Variants in CENPP observed in about 807,000 individuals in gnomAD.
CENPP encodes the protein centromere protein P.
In CENPP, 24 loss-of-function variants were observed where a neutral mutation model predicts 35.6. The observed-to-expected ratio is 0.67, with a 90% CI of 0.49 to 0.95. The LOEUF is 0.95. Among genes scored for constraint, CENPP ranks in the 40% least tolerant of loss-of-function variants. The pLI is 0.00. For missense variants in CENPP, 332 were observed against 345.3 expected (o/e 0.96, Z 0.31); for synonymous variants, 120 against 125.5 (o/e 0.96, Z 0.29).
At chr9:92,481,547 G>A (rs1845912237) in intron 5 of CENPP, among the ~76,000 whole-genome samples, 1 of 152,098 alleles carries the variant, frequency 6.6e-6, no homozygotes, top group Non-Finnish European at 1.5e-5. Context: ...GTAGAATATT[G>A]AATACATTGC....
At chr9:92,352,505 GTATACATATA>G (rs1467509681) in intron 4 of CENPP, among the ~76,000 whole-genome samples, 2 of 49,794 alleles carry the variant, frequency 4.0e-5, no homozygotes, top group African/African-American at 1.8e-4. Context: ...GTGTGTGTGT[GTATACATATA>G]TATATATATA....
intron 5 of CENPP, among the ~76,000 whole-genome samples, chr9:92,410,209 T>C (rs1843409366): frequency 6.6e-6 from 1 of 152,204 alleles, no homozygotes; most frequent in Middle Eastern, 3.2e-3. Flanking sequence ...GTGCTGGGAT[T>C]ACAGGCGTGA....
chr9:92,393,194 C>T, intron 5 of CENPP: 1 of 1,613,762 alleles, frequency 6.2e-7, no homozygotes, highest in Non-Finnish European at 8.5e-7. Flanking sequence ...TCAACTTCTT[C>T]ACAGTATACA....
At chr9:92,431,784 A>G (rs1449611436) in intron 5 of CENPP, among the ~76,000 whole-genome samples, 1 of 152,104 alleles carries the variant, frequency 6.6e-6, no homozygotes, top group Non-Finnish European at 1.5e-5. Flanking sequence ...CACATTGGCT[A>G]GGGTGGTCTC....
intron 5 of CENPP, among the ~76,000 whole-genome samples, chr9:92,549,389 G>A (rs2131323366): frequency 6.6e-6 from 1 of 152,340 alleles, no homozygotes; most frequent in Non-Finnish European, 1.5e-5. Context: ...GCTCAAGCCT[G>A]TAATTCCAGC....
At chr9:92,339,158 T>C (rs1242097671) in intron 3 of CENPP, among the ~76,000 whole-genome samples, 1 of 152,182 alleles carries the variant, frequency 6.6e-6, no homozygotes, top group African/African-American at 2.4e-5. Flanking sequence ...TCATCAGATA[T>C]CTAAAGTGGT....
In CENPP at chr9:92,495,470, T is replaced by G; in HGVS notation, c.564+115611T>G. 4.1e-6 allele frequency: 4 copies of G among 984,866 alleles called. No homozygotes were observed. In the African/African-American group the frequency reaches 7.0e-5, roughly 17 times the overall value. The allele number at this position is 984,866 out of a possible 1,614,324, so 61.0% of individuals were successfully genotyped here. The stretch of plus-strand genomic sequence containing the variant: ...CAGTGGTGCAAAATTTTTCAAAAAT[T>G]TATACATTAGATTTACCTTTACAAG... On this transcript the variant is annotated intron_variant, in intron 5 of 7. Transcript: ENST00000375587.
intron 5 of CENPP, among the ~76,000 whole-genome samples, chr9:92,577,782 TTTTA>T (rs746950356): frequency 3.3e-5 from 5 of 151,556 alleles, no homozygotes; most frequent in South Asian, 2.1e-4. Context: ...AGACCCTATC[TTTTA>T]TTTATTTATT....
chr9:92,405,619 TATATA>T (rs756541769), intron 5 of CENPP, among the ~76,000 whole-genome samples: 57 of 152,152 alleles, frequency 3.7e-4, no homozygotes, highest in Non-Finnish European at 6.5e-4. Context: ...TACTTTGAAA[TATATA>T]ATAATGAAAC....
At chr9:92,513,480 A>C (rs796577380) in intron 5 of CENPP, among the ~76,000 whole-genome samples, 1 of 152,210 alleles carries the variant, frequency 6.6e-6, no homozygotes, top group Non-Finnish European at 1.5e-5. Flanking sequence ...TTAGGTCCAC[A>C]CAAACATCTG....
intron 5 of CENPP, chr9:92,457,033 G>C: frequency 8.2e-7 from 1 of 1,225,162 alleles, no homozygotes; most frequent in Non-Finnish European, 1.0e-6. Context: ...GAATGGTCAA[G>C]CATGAGATTT....
chr9:92,556,349 G>C (rs894686647), intron 5 of CENPP, among the ~76,000 whole-genome samples: 3 of 152,140 alleles, frequency 2.0e-5, no homozygotes, highest in African/African-American at 7.2e-5. Context: ...CTCTTGAATA[G>C]AATGTGTATT....
At chr9:92,327,214 GTTTCTTTACT>G (rs1340657901) in intron 1 of CENPP, among the ~76,000 whole-genome samples, 2 of 152,230 alleles carry the variant, frequency 1.3e-5, no homozygotes, top group Admixed American at 1.3e-4. Context: ...GGGAAAAATA[GTTTCTTTACT>G]GGCCACAAGA....
chr9:92,375,545 C>T (rs1229440301), intron 4 of CENPP, among the ~76,000 whole-genome samples: 2 of 152,120 alleles, frequency 1.3e-5, no homozygotes, highest in African/African-American at 4.8e-5. Flanking sequence ...ATCCGCCCAC[C>T]TCGGCCTCCC....
chr9:92,592,735 A>G (rs1389265354), intron 5 of CENPP, among the ~76,000 whole-genome samples: 1 of 152,198 alleles, frequency 6.6e-6, no homozygotes, highest in Non-Finnish European at 1.5e-5. Context: ...CCAGCAGTGT[A>G]TGAGGGTTCC....
At position 92,619,929 on chromosome 9, in the gene CENPP, C is replaced by CAA; in HGVS notation, c.*6781_*6782insAA. On this transcript the variant is annotated 3_prime_UTR_variant, in exon 8 of 8. Transcript: ENST00000375587. ...CTGAGCCCCGCATGTTGGCCACACT[C>CAA]AGAGTATCAAGTGAGTATCACTCGA... The CAA allele has an allele frequency of 6.7e-6, 2 of 299,810 alleles. No individual in the cohort carries two copies. The highest frequency in any genetic ancestry group is 4.1e-5 in the South Asian group (1 of 24,476). 18.6% of individuals were successfully genotyped at this position (299,810 alleles called of 1,614,324 possible).
At chr9:92,413,161 A>AT in intron 5 of CENPP, among the ~76,000 whole-genome samples, 1 of 151,382 alleles carries the variant, frequency 6.6e-6, no homozygotes, top group South Asian at 2.1e-4. Flanking sequence ...ATTATTTTGT[A>AT]TTTTTAGTAG....
At chr9:92,507,454 C>CT (rs1356101369) in intron 5 of CENPP, among the ~76,000 whole-genome samples, 1 of 152,142 alleles carries the variant, frequency 6.6e-6, no homozygotes, top group African/African-American at 2.4e-5. Flanking sequence ...ACTGTGTTTT[C>CT]TTTTGCAATT....
rs180737387 is a variant in CENPP, at chr9:92,619,802, A to G, written c.*6653A>G. On this transcript the variant is annotated 3_prime_UTR_variant, in exon 8 of 8. Transcript: ENST00000375587. ...GGCCAGCACCGCCCCCTGACCTCTC[A>G]CGGCAAGCAGTGTGGGACCCCGACT... The G allele has an allele frequency of 1.8e-6, 1 of 545,324 alleles. No homozygotes were observed. Among genetic ancestry groups the G allele is most frequent in the African/African-American group, 1.9e-5 (1 of 52,852 alleles). 33.8% of individuals were successfully genotyped at this position (545,324 alleles called of 1,614,324 possible).
Sources: allele counts gnomAD v4.1 joint callset (sites outside exome capture counted in the v4.1 genomes callset), GRCh38; gene constraint gnomAD v4.1.1; transcripts MANE v1.5; gene names NCBI Gene and HGNC (gene_info 2026-07-23, HGNC 2026-07-21).